Variants in SFMBT2 observed in about 807,000 individuals in gnomAD.
SFMBT2 encodes Scm like with four mbt domains 2, also known as scm-like with four MBT domains protein 2.
Under a neutral mutation model 110.1 loss-of-function variants are expected in SFMBT2, and 38 were observed. That is an observed-to-expected ratio of 0.35 (90% CI 0.27 to 0.45). The LOEUF is 0.45. SFMBT2 is among the 20% of genes least tolerant of loss of function. The pLI, the probability that SFMBT2 is intolerant of heterozygous loss-of-function variation, is 1.00. For missense variants in SFMBT2, 1,011 were observed against 1,094.9 expected (o/e 0.92, Z 1.08); for synonymous variants, 425 against 425.4 (o/e 1.00, Z 0.01).
In SFMBT2 at chr10:7,284,079, G is replaced by A; in HGVS notation, c.597C>T (p.Asn199=). ...GSLIELQDSQ[N]PFQYWIVSVI... is the part of the protein sequence containing the mutation. ...CACTAACTATCCAGTACTGAAAAGG[G>A]TTCTGGGAATCCTGAAGTTCTATTA... The change falls in exon 6 of 21, where the codon AAC becomes AAT. Residue 199 remains asparagine, a synonymous_variant. Transcript: ENST00000397167. 3 of 1,614,170 alleles carry A rather than the reference G, an allele frequency of 1.9e-6. No individual in the cohort carries two copies. The highest frequency in any genetic ancestry group is 1.3e-5 in the African/African-American group (1 of 75,036).
intron 7 of SFMBT2, among the ~76,000 whole-genome samples, chr10:7,266,000 C>G (rs772969657): frequency 6.6e-6 from 1 of 151,904 alleles, no homozygotes; most frequent in Non-Finnish European, 1.5e-5. Flanking sequence ...ATATAATAGT[C>G]GGGGGAATCA....
chr10:7,233,498 G>C (rs1211956476), intron 9 of SFMBT2, among the ~76,000 whole-genome samples: 2 of 152,186 alleles, frequency 1.3e-5, no homozygotes, highest in Non-Finnish European at 2.9e-5. Context: ...TGTTAGAAGA[G>C]CATGTGTAAA....
chr10:7,372,316 A>G (rs1209694674), intron 2 of SFMBT2, among the ~76,000 whole-genome samples: 2 of 152,250 alleles, frequency 1.3e-5, no homozygotes, highest in Non-Finnish European at 1.5e-5. Flanking sequence ...TTGTAAAGTC[A>G]GAAGAGCTGA....
At chr10:7,278,365 C>G (rs1281462586) in intron 6 of SFMBT2, among the ~76,000 whole-genome samples, 1 of 152,168 alleles carries the variant, frequency 6.6e-6, no homozygotes, top group East Asian at 1.9e-4. Context: ...CCCCTGCAAG[C>G]TGCTCCATGA....
At chr10:7,221,337 C>A (rs976598188) in intron 10 of SFMBT2, among the ~76,000 whole-genome samples, 3 of 151,896 alleles carry the variant, frequency 2.0e-5, no homozygotes, top group Admixed American at 6.5e-5. Context: ...GAGGCTGAGG[C>A]AGGTGGATCA....
Position 7,299,859 on chromosome 10 carries a change from T to C in SFMBT2, c.437-13905A>G, listed in dbSNP as rs111446560. Among the ~76,000 whole-genome samples, 336 of 152,314 alleles carry C rather than the reference T, an allele frequency of 2.2e-3. 2 individuals are homozygous for C. Among genetic ancestry groups the C allele is most frequent in the African/African-American group, 7.6e-3 (317 of 41,566 alleles). On this transcript the variant is annotated intron_variant, in intron 4 of 20. Transcript: ENST00000397167. ...AAAGACACATGCACACATATGTTTA[T>C]TGCAGCAGTATTTACTATAGCGAAG...
In SFMBT2 at chr10:7,210,417, A is replaced by G. The variant is rs186627177; in HGVS notation, c.1331-4489T>C. On this transcript the variant is annotated intron_variant, in intron 11 of 20. Transcript: ENST00000397167. Reference sequence around the variant, plus strand: ...AGAGATGCCACTGGGCAGCAGAGGCAGGAGGGACCCAGGGCGAGGGAGGCT... The same window carrying G: ...AGAGATGCCACTGGGCAGCAGAGGCGGGAGGGACCCAGGGCGAGGGAGGCT... Among the ~76,000 whole-genome samples, 353 of 152,300 alleles carry G rather than the reference A, an allele frequency of 2.3e-3. 1 individual carries two copies. Among genetic ancestry groups the G allele is most frequent in the Admixed American group, 5.2e-3 (80 of 15,306 alleles).
chr10:7,211,193 TG>T (rs1415370782), intron 11 of SFMBT2, among the ~76,000 whole-genome samples: 2 of 151,810 alleles, frequency 1.3e-5, no homozygotes, highest in Non-Finnish European at 2.9e-5. Context: ...TATTTCTGGG[TG>T]GGGGGTATGT....
chr10:7,158,641 T>C lies in SFMBT2; in HGVS notation c.*5129A>G, dbSNP rs967553993. ...CACCACCATAGAATTTATTTTTACTTTATTAACAATGTGGCTTACAATTTT... is the reference window on the plus strand; with the variant it reads ...CACCACCATAGAATTTATTTTTACTCTATTAACAATGTGGCTTACAATTTT... On this transcript the variant is annotated 3_prime_UTR_variant, in exon 21 of 21. Transcript: ENST00000397167. 3.3e-5 allele frequency: 5 copies of C among 152,216 alleles called. 1 individual carries two copies. The highest frequency in any genetic ancestry group is 7.3e-5 in the Non-Finnish European group (5 of 68,032). 9.4% of individuals were successfully genotyped at this position (152,216 alleles called of 1,614,324 possible).
At chr10:7,344,150 A>T (rs1221441310) in intron 4 of SFMBT2, among the ~76,000 whole-genome samples, 3 of 151,906 alleles carry the variant, frequency 2.0e-5, no homozygotes, top group Admixed American at 1.3e-4. Context: ...GAGAGGAAAT[A>T]TTTTTTCTGT....
At chr10:7,260,757 T>TA (rs199615205) in intron 7 of SFMBT2, among the ~76,000 whole-genome samples, 1 of 151,902 alleles carries the variant, frequency 6.6e-6, no homozygotes, top group African/African-American at 2.4e-5. Context: ...CTTAGTACAA[T>TA]AAAAAAATCA....
intron 1 of SFMBT2, among the ~76,000 whole-genome samples, chr10:7,389,922 G>A (rs1845721576): frequency 6.6e-6 from 1 of 152,154 alleles, no homozygotes; most frequent in Non-Finnish European, 1.5e-5. Context: ...TTCACTTGAG[G>A]TATAGTCAAA....
At chr10:7,282,744 A>G (rs1250552407) in intron 6 of SFMBT2, among the ~76,000 whole-genome samples, 2 of 152,222 alleles carry the variant, frequency 1.3e-5, no homozygotes, top group Non-Finnish European at 2.9e-5. Context: ...AAAGATAAAT[A>G]TAACTCCTCT....
chr10:7,236,084 T>C (rs1446116193), intron 9 of SFMBT2, among the ~76,000 whole-genome samples: 1 of 151,836 alleles, frequency 6.6e-6, no homozygotes, highest in South Asian at 2.1e-4. Flanking sequence ...ATATACAAAA[T>C]TAGTGGTACT....
At chr10:7,310,776 T>C (rs1420042306) in intron 4 of SFMBT2, among the ~76,000 whole-genome samples, 1 of 151,714 alleles carries the variant, frequency 6.6e-6, no homozygotes, top group Non-Finnish European at 1.5e-5. Flanking sequence ...CTAGACGCGG[T>C]GGCTCATGCT....
chr10:7,376,854 C>A (rs115463561), intron 2 of SFMBT2, among the ~76,000 whole-genome samples: 182 of 123,486 alleles, frequency 1.5e-3, no homozygotes, highest in East Asian at 2.1e-3. Context: ...TGGACAGTGG[C>A]AAAAAAAAAA....
chr10:7,202,768 ATT>A, intron 12 of SFMBT2: 2 of 985,208 alleles, frequency 2.0e-6, no homozygotes, highest in Non-Finnish European at 1.2e-6. Flanking sequence ...TAGCTACTTT[ATT>A]TTTAAATGTG....
intron 4 of SFMBT2, among the ~76,000 whole-genome samples, chr10:7,347,144 C>T (rs750328316): frequency 2.0e-5 from 3 of 152,106 alleles, no homozygotes; most frequent in Admixed American, 6.5e-5. Flanking sequence ...CAAGGAGGAG[C>T]CCCACAGCTA....
intron 4 of SFMBT2, among the ~76,000 whole-genome samples, chr10:7,361,437 T>C (rs1365439496): frequency 6.6e-6 from 1 of 152,188 alleles, no homozygotes; most frequent in African/African-American, 2.4e-5. Context: ...TGCCAGCATC[T>C]TGTCCTCTAC....
Sources: gnomAD v4.1 joint callset for allele counts (sites outside exome capture counted in the v4.1 genomes callset) on GRCh38, gnomAD v4.1.1 for gene constraint, MANE v1.5 for transcripts, NCBI Gene and HGNC (gene_info 2026-07-23, HGNC 2026-07-21) for gene names.